DIXDC1: variants seen among roughly 807,000 people sequenced by gnomAD.
The protein encoded by DIXDC1 is DIX domain containing 1.
A neutral mutation model predicts 103.1 loss-of-function variants in DIXDC1; 64 were observed. The ratio of observed to expected loss-of-function variants is 0.62; its 90% CI spans 0.51 to 0.76. The LOEUF (loss-of-function observed/expected upper bound fraction) is 0.76, where lower values mean the gene tolerates loss of function less well. Among genes scored for constraint, DIXDC1 ranks in the 30% least tolerant of loss-of-function variants. The pLI, the probability that DIXDC1 is intolerant of heterozygous loss-of-function variation, is 0.00. For missense variants in DIXDC1, 759 were observed against 834.2 expected, an observed-to-expected ratio of 0.91 and a Z score of 1.11; for synonymous variants, 266 against 298.5, an observed-to-expected ratio of 0.89 and a Z score of 1.12.
chr11:111,987,804 C>T (rs1452191632), intron 9 of DIXDC1, among the ~76,000 whole-genome samples: 1 of 151,336 alleles, frequency 6.6e-6, no homozygotes, highest in Non-Finnish European at 1.5e-5. Flanking sequence ...GGACTACAGG[C>T]GCCCGCCACC....
intron 2 of DIXDC1, among the ~76,000 whole-genome samples, chr11:111,966,843 C>T (rs919424990): frequency 1.3e-5 from 2 of 152,234 alleles, no homozygotes; most frequent in Admixed American, 6.5e-5. Context: ...GGCTTCTGAT[C>T]CCACTCCACT....
Position 111,958,483 on chromosome 11 carries a change from G to T in DIXDC1, c.61-6066G>T, listed in dbSNP as rs904247270. Among the ~76,000 whole-genome samples the T allele has an allele frequency of 2.0e-5, 3 of 152,226 alleles. No individual in the cohort carries two copies. The highest frequency in any genetic ancestry group is 4.1e-4 in the South Asian group (2 of 4,832). On this transcript the variant is annotated intron_variant, in intron 1 of 19. Coordinates refer to ENST00000440460, the MANE Select transcript of DIXDC1 (RefSeq NM_001037954.4). The surrounding 1 kb of genome is among the most constrained non-coding windows in gnomAD (Gnocchi z 4.2). ...AACCTGGCTGGGTGTGCACAGGGTT[G>T]GGGCAGCACTGATATGCCAGCCCCC...
intron 17 of DIXDC1, among the ~76,000 whole-genome samples, chr11:112,000,492 A>C (rs1555175867): frequency 6.6e-6 from 1 of 151,916 alleles, no homozygotes; most frequent in African/African-American, 2.4e-5. Context: ...AGGTCAGGAG[A>C]TCGAGACCAC....
Position 111,937,405 on chromosome 11 carries a change from G to A in DIXDC1, c.-95G>A. 6.6e-7 allele frequency: 1 copy of A among 1,514,676 alleles called. No individual in the cohort carries two copies. Among genetic ancestry groups the A allele is most frequent in the East Asian group, 2.5e-5 (1 of 39,982 alleles). 93.8% of individuals were successfully genotyped at this position (1,514,676 alleles called of 1,614,324 possible). On this transcript the variant is annotated 5_prime_UTR_variant, in exon 1 of 20. Transcript: ENST00000440460. ...CGGGACTCCGGAGGGATCCCAATGA[G>A]CTGAGCCGAGAGCCTTTGTGTGCAG...
chr11:111,939,885 G>A (rs189923074), intron 1 of DIXDC1, among the ~76,000 whole-genome samples: 1 of 152,304 alleles, frequency 6.6e-6, no homozygotes, highest in African/African-American at 2.4e-5. Context: ...GCTAGTGTCA[G>A]AATACGCTTT....
chr11:111,964,683 G>A lies in DIXDC1; in HGVS notation c.190+5G>A. On this transcript the variant is annotated splice_donor_5th_base_variant and intron_variant, in intron 2 of 19. Coordinates refer to ENST00000440460, the MANE Select transcript of DIXDC1 (RefSeq NM_001037954.4). ...CATATCTCATCGAGATTGTTGGTCA[G>A]TTGGCCCTGGACTCTGATACTAGAG... is the stretch of plus-strand genomic sequence containing the variant. 4 of 1,600,480 alleles carry A rather than the reference G, an allele frequency of 2.5e-6. No homozygotes were observed. Among genetic ancestry groups the A allele is most frequent in the Non-Finnish European group, 2.6e-6 (3 of 1,173,814 alleles).
At chr11:111,959,817 C>A (rs1555170904) in intron 1 of DIXDC1, among the ~76,000 whole-genome samples, 1 of 152,160 alleles carries the variant, frequency 6.6e-6, no homozygotes, top group Admixed American at 6.5e-5. Context: ...AAAAATAATA[C>A]TTAGTGGTTT....
Position 111,930,411 on chromosome 11 carries a change from C to T in DIXDC1, c.57+501C>T, listed in dbSNP as rs587670499. Among the ~76,000 whole-genome samples, 23 of 152,212 alleles carry T rather than the reference C, an allele frequency of 1.5e-4. No individual in the cohort carries two copies. In the South Asian group the frequency reaches 3.3e-3, roughly 22 times the overall value. On this transcript the variant is annotated intron_variant, in intron 2 of 5. Coordinates refer to the DIXDC1 transcript ENST00000529225. ...TCTCCTGCCCCAGCCTTCTGAGTAG[C>T]TGGGACTACAGGCACGTGCCATCAC...
chr11:111,937,517 C>T lies in DIXDC1; in HGVS notation c.18C>T (p.Thr6=). Residue 6 remains threonine, a synonymous_variant, in exon 1 of 20, where the codon ACC becomes ACT. Transcript: ENST00000440460. ...CAGGAACAATGCTAGCCTGCCTGACCCGAGGGAACTTACTGGACGTCCTGC... is the reference window on the plus strand; with the variant it reads ...CAGGAACAATGCTAGCCTGCCTGACTCGAGGGAACTTACTGGACGTCCTGC... MLACL[T]RGNLLDVLQE... The T allele has an allele frequency of 1.9e-6, 3 of 1,595,682 alleles. No individual in the cohort carries two copies. The highest frequency in any genetic ancestry group is 2.6e-6 in the Non-Finnish European group (3 of 1,171,486).
At chr11:111,991,797 A>G (rs1466424755) in intron 10 of DIXDC1, among the ~76,000 whole-genome samples, 1 of 152,230 alleles carries the variant, frequency 6.6e-6, no homozygotes, top group Admixed American at 6.5e-5. Context: ...ATCCTGGTCC[A>G]GACTAGGCAT....
At chr11:111,956,954 C>G (rs1460086876) in intron 1 of DIXDC1, among the ~76,000 whole-genome samples, 2 of 151,864 alleles carry the variant, frequency 1.3e-5, no homozygotes, top group Non-Finnish European at 2.9e-5. Flanking sequence ...ATCACTTGAG[C>G]CTGGAAGCTT....
chr11:111,933,414 C>T (rs587691745), upstream of DIXDC1, among the ~76,000 whole-genome samples: 59 of 152,202 alleles, frequency 3.9e-4, no homozygotes, highest in African/African-American at 1.3e-3. Context: ...GGATTACAGG[C>T]GTGAGCCACC....
chr11:112,006,044 G>A (rs1861227210), intron 17 of DIXDC1, among the ~76,000 whole-genome samples: 3 of 152,192 alleles, frequency 2.0e-5, no homozygotes. Flanking sequence ...AGGAAGCCCT[G>A]ACAGACTGTA....
intron 17 of DIXDC1, among the ~76,000 whole-genome samples, chr11:111,996,510 C>A (rs1312497697): frequency 2.6e-5 from 4 of 152,242 alleles, no homozygotes; most frequent in African/African-American, 9.6e-5. Context: ...ATTTCCACTT[C>A]TTCCTTGAAG....
chr11:111,996,169 T>G, intron 17 of DIXDC1, 23 bp downstream of exon 17: 1 of 1,601,672 alleles, frequency 6.2e-7, no homozygotes, highest in Non-Finnish European at 8.5e-7. Flanking sequence ...TTTTGCTCAG[T>G]AGGGACTCCT....
At chr11:111,971,732 A>ATATCTG (rs1859939209) in intron 3 of DIXDC1, among the ~76,000 whole-genome samples, 1 of 150,910 alleles carries the variant, frequency 6.6e-6, no homozygotes, top group South Asian at 2.1e-4. Flanking sequence ...GTGTATATCT[A>ATATCTG]TATCTATATC....
Position 111,929,968 on chromosome 11 carries a change from A to G in DIXDC1, c.57+58A>G, listed in dbSNP as rs373771768. 10 of 1,445,430 alleles carry G rather than the reference A, an allele frequency of 6.9e-6. No homozygotes were observed. The South Asian group carries it at 9.8e-5, about 14-fold the overall frequency. The allele number at this position is 1,445,430 out of a possible 1,614,324, so 89.5% of individuals were successfully genotyped here. A position where few individuals can be genotyped will look rare whatever the true frequency, so the allele number is the denominator to read the frequency against. ...GATGATGTTACTGGAATTTCAATAC[A>G]GTTCTACTTCTGGGGATTTCTCCAT... On this transcript the variant is annotated intron_variant, in intron 2 of 5. Coordinates refer to the DIXDC1 transcript ENST00000529225.
At chr11:111,953,755 G>T (rs1356879458) in intron 1 of DIXDC1, among the ~76,000 whole-genome samples, 2 of 152,156 alleles carry the variant, frequency 1.3e-5, no homozygotes, top group Admixed American at 1.3e-4. Context: ...GGAAGGAGTG[G>T]AAAAGGAAAG....
At chr11:111,986,828 C>T in intron 8 of DIXDC1, 43 bp from the exon 9 acceptor site, 2 of 1,538,376 alleles carry the variant, frequency 1.3e-6, no homozygotes, top group Non-Finnish European at 1.8e-6. Context: ...CTCTGTACTT[C>T]ACAGCATAGG....
Sources: gnomAD v4.1 joint callset for allele counts (sites outside exome capture counted in the v4.1 genomes callset) on GRCh38, gnomAD v4.1.1 for gene constraint, Gnocchi (gnomAD v3.1) non-coding constraint, MANE v1.5 for transcripts, NCBI Gene and HGNC (gene_info 2026-07-23, HGNC 2026-07-21) for gene names.